The following ST18 variants were observed in gnomAD, a reference collection of about 807,000 sequenced individuals.
The protein encoded by ST18 is ST18 C2H2C-type zinc finger transcription factor.
A neutral mutation model predicts 110.0 loss-of-function variants in ST18; 50 were observed. The ratio of observed to expected loss-of-function variants is 0.45; its 90% confidence interval spans 0.36 to 0.58. The LOEUF (loss-of-function observed/expected upper bound fraction) is 0.58. Among genes scored for constraint, ST18 ranks in the 20% least tolerant of loss-of-function variants. The probability of loss-of-function intolerance (pLI) is 0.00; values close to 1 mark genes in which losing one functional copy is unlikely to be tolerated. For synonymous variants in ST18, 461 were observed against 452.4 expected, an observed-to-expected ratio of 1.02 and a Z score of -0.24; for missense variants, 1,306 against 1,280.1, an observed-to-expected ratio of 1.02 and a Z score of -0.31.
chr8:52,158,131 A>G (rs1292933648), intron 15 of ST18, among the ~76,000 whole-genome samples: 1 of 152,226 alleles, frequency 6.6e-6, no homozygotes, highest in East Asian at 1.9e-4. Flanking sequence ...TGACTGTGGC[A>G]TCAGAAGCCC....
rs116286781 is a variant in ST18 at position 52,280,294 on chromosome 8, A to C, written c.-464-50217T>G. Among the ~76,000 whole-genome samples the C allele has an allele frequency of 6.7e-3, 1,025 of 152,218 alleles. 11 individuals are homozygous for C. The highest frequency in any genetic ancestry group is 0.023 in the African/African-American group (974 of 41,560). On this transcript the variant is annotated intron_variant, in intron 2 of 25. Coordinates refer to ENST00000689386, the MANE Select transcript of ST18 (RefSeq NM_001352837.2). Reference sequence around the variant, plus strand: ...ATAAATTAAACTATATAAAAATCACAATAAATGCAAGGGGACTAATCTTTC... The same window carrying C: ...ATAAATTAAACTATATAAAAATCACCATAAATGCAAGGGGACTAATCTTTC...
At chr8:52,145,480 C>A (rs2056926588) in intron 16 of ST18, among the ~76,000 whole-genome samples, 1 of 152,050 alleles carries the variant, frequency 6.6e-6, no homozygotes, top group Non-Finnish European at 1.5e-5. Context: ...CCTTAGAAAC[C>A]TTCAGAGAGT....
chr8:52,203,986 C>G (rs1325911755), intron 8 of ST18, among the ~76,000 whole-genome samples: 1 of 152,182 alleles, frequency 6.6e-6, no homozygotes, highest in African/African-American at 2.4e-5. Flanking sequence ...ATAGAGTCAT[C>G]TCTGGAAGCA....
intron 3 of ST18, among the ~76,000 whole-genome samples, chr8:52,224,934 C>G (rs1312614144): frequency 6.6e-6 from 1 of 152,114 alleles, no homozygotes; most frequent in African/African-American, 2.4e-5. Context: ...CCTTATAGAA[C>G]CTTTCAAAGA....
At chr8:52,373,516 A>G (rs1035276784) in intron 2 of ST18, among the ~76,000 whole-genome samples, 12 of 151,446 alleles carry the variant, frequency 7.9e-5, no homozygotes, top group African/African-American at 2.9e-4. Context: ...GCCCTTTCTC[A>G]GGAGCTCCTT....
At chr8:52,277,301 G>C (rs562493600) in intron 2 of ST18, among the ~76,000 whole-genome samples, 1 of 152,082 alleles carries the variant, frequency 6.6e-6, no homozygotes, top group Non-Finnish European at 1.5e-5. Flanking sequence ...TGCTCATCTC[G>C]ACCCTGGTTC....
chr8:52,206,031 T>C (rs16917470), intron 8 of ST18, among the ~76,000 whole-genome samples: 23,967 of 152,216 alleles, frequency 0.16, 1,980 homozygotes, highest in Middle Eastern at 0.26. Flanking sequence ...AGCCTGCAGT[T>C]GCAGCAGACA....
chr8:52,344,155 A>C (rs1365192722), intron 2 of ST18, among the ~76,000 whole-genome samples: 3 of 152,370 alleles, frequency 2.0e-5, no homozygotes, highest in African/African-American at 7.2e-5. Context: ...TCAAAAAGTT[A>C]TTAAGACTCC....
At chr8:52,177,233 T>C (rs1201555578) in intron 9 of ST18, among the ~76,000 whole-genome samples, 2 of 152,212 alleles carry the variant, frequency 1.3e-5, no homozygotes, top group East Asian at 3.8e-4. Flanking sequence ...AACTGCATGG[T>C]TTGTCCATGT....
At chr8:52,242,794 C>A (rs891119490) in intron 2 of ST18, among the ~76,000 whole-genome samples, 1 of 151,838 alleles carries the variant, frequency 6.6e-6, no homozygotes, top group Non-Finnish European at 1.5e-5. Flanking sequence ...TTCACTTGAA[C>A]CCTGGAGGCA....
chr8:52,186,718 C>T (rs2072416468), intron 8 of ST18, among the ~76,000 whole-genome samples: 1 of 152,120 alleles, frequency 6.6e-6, no homozygotes, highest in Admixed American at 6.6e-5. Flanking sequence ...ATACGCTAGC[C>T]GTGAGGAAAA....
intron 15 of ST18, among the ~76,000 whole-genome samples, chr8:52,157,469 A>G (rs1376778552): frequency 1.3e-5 from 2 of 152,188 alleles, no homozygotes; most frequent in African/African-American, 4.8e-5. Flanking sequence ...TTCTCCAAGC[A>G]GATGGCTACT....
At chr8:52,342,346 G>A (rs377223572) in intron 2 of ST18, among the ~76,000 whole-genome samples, 14 of 145,684 alleles carry the variant, frequency 9.6e-5, no homozygotes, top group African/African-American at 2.8e-4. Context: ...AAGACTCTAC[G>A]ATCTTATATA....
intron 2 of ST18, among the ~76,000 whole-genome samples, chr8:52,394,090 G>A (rs1840270018): frequency 6.6e-6 from 1 of 152,000 alleles, no homozygotes; most frequent in Non-Finnish European, 1.5e-5. Flanking sequence ...ATTAATGTGT[G>A]GTGTGTTCTC....
At chr8:52,396,834 C>A (rs1381666198) in intron 2 of ST18, among the ~76,000 whole-genome samples, 1 of 152,160 alleles carries the variant, frequency 6.6e-6, no homozygotes, top group Non-Finnish European at 1.5e-5. Flanking sequence ...AGAGCCAGAC[C>A]ATATCAACTG....
chr8:52,225,449 T>C lies in ST18; in HGVS notation c.-418-3656A>G, dbSNP rs530786295. On this transcript the variant is annotated intron_variant, in intron 3 of 25. Transcript: ENST00000689386. Reference sequence around the variant, plus strand: ...GGACCAGCGAAATGGTTAATGCAAATGGATTTATAATTTGCTTTGGGGGGC... The same window carrying C: ...GGACCAGCGAAATGGTTAATGCAAACGGATTTATAATTTGCTTTGGGGGGC... 2.0e-5 allele frequency among the ~76,000 whole-genome samples: 3 copies of C among 152,298 alleles called. No individual in the cohort carries two copies. The South Asian group carries it at 6.2e-4, about 32-fold the overall frequency.
chr8:52,156,877 T>C (rs2060161544), intron 15 of ST18, among the ~76,000 whole-genome samples: 1 of 152,230 alleles, frequency 6.6e-6, no homozygotes, highest in South Asian at 2.1e-4. Flanking sequence ...AAATGGTTTT[T>C]AGAACTCCCA....
intron 2 of ST18, among the ~76,000 whole-genome samples, chr8:52,382,433 A>T (rs925941189): frequency 2.6e-5 from 4 of 152,360 alleles, no homozygotes; most frequent in Non-Finnish European, 4.4e-5. Context: ...GGATGTTCAG[A>T]TGTTCAGACA....
chr8:52,287,291 A>G (rs2095486335), intron 2 of ST18, among the ~76,000 whole-genome samples: 1 of 152,244 alleles, frequency 6.6e-6, no homozygotes, highest in Non-Finnish European at 1.5e-5. Context: ...AAAGCATTAC[A>G]TAGTATGCTA....
Sources: gnomAD v4.1 joint callset for allele counts (sites outside exome capture counted in the v4.1 genomes callset) on GRCh38, gnomAD v4.1.1 for gene constraint, MANE v1.5 for transcripts, NCBI Gene and HGNC (gene_info 2026-07-23, HGNC 2026-07-21) for gene names.